ARHGAP9: variants seen among roughly 807,000 people sequenced by gnomAD.
The protein encoded by ARHGAP9 is Rho GTPase activating protein 9, also known as rho GTPase-activating protein 9.
A neutral mutation model predicts 87.3 loss-of-function variants in ARHGAP9; 76 were observed. The ratio of observed to expected loss-of-function variants is 0.87; its 90% CI spans 0.72 to 1.05. The LOEUF is 1.05. Among genes scored for constraint, ARHGAP9 ranks in the 50% least tolerant of loss-of-function variants. ARHGAP9 has a pLI of 0.00. For synonymous variants in ARHGAP9, 382 were observed against 394.9 expected, an observed-to-expected ratio of 0.97 and a Z score of 0.39; for missense variants, 941 against 960.5, an observed-to-expected ratio of 0.98 and a Z score of 0.27.
intron 1 of ARHGAP9, among the ~76,000 whole-genome samples, chr12:57,486,816 A>G (rs1479274082): frequency 5.5e-5 from 8 of 145,952 alleles, no homozygotes; most frequent in Non-Finnish European, 9.1e-5. Context: ...ACCCCGGGGG[A>G]CGGAGGTTGC....
intron 2 of ARHGAP9, 55 bp downstream of exon 2, chr12:57,479,036 T>G (rs1874654815): frequency 3.8e-6 from 6 of 1,567,210 alleles, no homozygotes; most frequent in Non-Finnish European, 5.2e-6. Context: ...GCCAGGGAGG[T>G]AGGAAGGTGA....
intron 13 of ARHGAP9, 54 bp downstream of exon 13, chr12:57,474,821 A>G: frequency 6.2e-7 from 1 of 1,610,902 alleles, no homozygotes; most frequent in Non-Finnish European, 8.5e-7. Flanking sequence ...GGAGGCAGAA[A>G]ATTCTAGGCC....
intron 6 of ARHGAP9, 81 bp from the exon 7 acceptor site, chr12:57,476,732 G>A (rs957968119): frequency 4.3e-5 from 68 of 1,586,386 alleles, no homozygotes; most frequent in Non-Finnish European, 5.9e-5. Context: ...GGTCTCCCAG[G>A]AGTGAAGTCC....
At position 57,473,685 on chromosome 12, in the gene ARHGAP9, G is replaced by A; in HGVS notation, c.1942C>T (p.Leu648Phe). Reference protein sequence around the residue: ...ALALSESEQCLSQIQELIGSM... With the variant: ...ALALSESEQCFSQIQELIGSM... Reference sequence around the variant, plus strand: ...CCTATTAATTCTTGTATCTGAGAGAGGCACTGCTCTGATTCGGAGAGTGCT... The same window carrying A: ...CCTATTAATTCTTGTATCTGAGAGAAGCACTGCTCTGATTCGGAGAGTGCT... Residue 648 changes from leucine (L) to phenylalanine (F), a missense_variant, in exon 17 of 18, where the codon CTC (leucine) becomes TTC (phenylalanine). Transcript: ENST00000393791. 6.2e-7 allele frequency: 1 copy of A among 1,614,086 alleles called. No individual in the cohort carries two copies. The highest frequency in any genetic ancestry group is 8.5e-7 in the Non-Finnish European group (1 of 1,179,920).
At chr12:57,475,720 G>C (rs1276518236) in intron 10 of ARHGAP9, 105 bp from the exon 11 acceptor site, 3 of 1,535,978 alleles carry the variant, frequency 2.0e-6, no homozygotes, top group Non-Finnish European at 2.6e-6. Context: ...CCCAGGCAAG[G>C]GCTCTCCACT....
chr12:57,488,538 CCAGGCA>C, intron 1 of ARHGAP9: 1 of 1,538,404 alleles, frequency 6.5e-7, no homozygotes, highest in Admixed American at 2.0e-5. Flanking sequence ...ATGACAGCCC[CCAGGCA>C]CCCTTTTGTG....
chr12:57,482,568 G>A, upstream of ARHGAP9, among the ~76,000 whole-genome samples: 1 of 152,106 alleles, frequency 6.6e-6, no homozygotes, highest in Non-Finnish European at 1.5e-5. Flanking sequence ...GCCAGGTATG[G>A]CAGTGTGTGC....
chr12:57,474,564 AC>A (rs1477141889), intron 14 of ARHGAP9, 61 bp downstream of exon 14: 7 of 1,612,694 alleles, frequency 4.3e-6, no homozygotes, highest in Non-Finnish European at 5.9e-6. Flanking sequence ...CTCATGTAGG[AC>A]CGCCCATGGT....
At chr12:57,485,817 A>G (rs1875354217) in intron 1 of ARHGAP9, among the ~76,000 whole-genome samples, 1 of 151,978 alleles carries the variant, frequency 6.6e-6, no homozygotes, top group Non-Finnish European at 1.5e-5. Flanking sequence ...TGGCCTTGAG[A>G]CCCTACCAAG....
At chr12:57,476,009 C>T (rs1873504208) in intron 9 of ARHGAP9, 62 bp downstream of exon 9, 8 of 1,514,404 alleles carry the variant, frequency 5.3e-6, no homozygotes, top group Admixed American at 2.1e-5. Flanking sequence ...GAGGCCTGCG[C>T]GGGAGATTGG....
At chr12:57,478,310 TCTC>T (rs1874492159) in intron 3 of ARHGAP9, 1 of 545,414 alleles carries the variant, frequency 1.8e-6, no homozygotes. Context: ...GCTGCCTCTT[TCTC>T]CTCCTTGCTC....
At position 57,473,897 on chromosome 12, in the gene ARHGAP9, G is replaced by A; in HGVS notation, c.1918+145C>T. The A allele has an allele frequency of 1.4e-5, 19 of 1,350,560 alleles. No individual in the cohort carries two copies. The South Asian group carries it at 1.8e-4, about 13-fold the overall frequency. 83.7% of individuals were successfully genotyped at this position (1,350,560 alleles called of 1,614,324 possible). On this transcript the variant is annotated intron_variant, in intron 16 of 17. Transcript: ENST00000393791. Reference sequence around the variant, plus strand: ...CAGCCCTCTAAACATTCACAAAAAAGCAACTGGAGTAGGCACCTGAGTTGA... The same window carrying A: ...CAGCCCTCTAAACATTCACAAAAAAACAACTGGAGTAGGCACCTGAGTTGA...
intron 16 of ARHGAP9, 41 bp downstream of exon 16, chr12:57,474,000 GT>G: frequency 6.3e-7 from 1 of 1,593,124 alleles, no homozygotes; most frequent in Non-Finnish European, 8.6e-7. Context: ...TACCACCCGT[GT>G]CCCCCACATC....
intron 3 of ARHGAP9, chr12:57,478,298 C>G: frequency 3.9e-6 from 2 of 517,024 alleles, no homozygotes; most frequent in Non-Finnish European, 6.9e-6. Flanking sequence ...GTTTGCCTCT[C>G]GGCTGCCTCT....
At position 57,474,031 on chromosome 12, in the gene ARHGAP9, C is replaced by T. The variant is rs764590740; in HGVS notation, c.1918+11G>A. On this transcript the variant is annotated intron_variant, in intron 16 of 17. Coordinates refer to ENST00000393791, the MANE Select transcript of ARHGAP9 (RefSeq NM_032496.4). ...CACATCAAGGGTTCTTTCCAAAGCT[C>T]CAACCCTTACCAAGGGCAGCACGGA... is the stretch of plus-strand genomic sequence containing the variant. 1.9e-5 allele frequency: 30 copies of T among 1,612,334 alleles called. 1 individual carries two copies. The East Asian group carries it at 4.2e-4, about 23-fold the overall frequency.
At chr12:57,477,771 C>T (rs749622463) in intron 3 of ARHGAP9, 91 bp from the exon 4 acceptor site, 10 of 1,552,714 alleles carry the variant, frequency 6.4e-6, no homozygotes, top group South Asian at 2.4e-5. Context: ...CTCCCTCCCC[C>T]ATTGTCTTCT....
In ARHGAP9 at chr12:57,476,899, G is replaced by A; in HGVS notation, c.935C>T (p.Pro312Leu). 2.5e-6 allele frequency: 4 copies of A among 1,614,016 alleles called. No individual in the cohort carries two copies. The highest frequency in any genetic ancestry group is 2.2e-5 in the South Asian group (2 of 91,074). Residue 312 changes from proline to leucine, a missense_variant, in exon 6 of 18, where the codon CCT becomes CTT. Pro to Leu is a moderately conservative substitution (Grantham distance 98, BLOSUM62 -3). Transcript: ENST00000393791. ...LDPPALQAPR[P>L]LPQLLDDPHE... is the part of the protein sequence containing the mutation. ...GGGGTCGTCCAGGAGCTGCGGCAGAGGTCGAGGGGCCTGCAAGGCTGGAGG... is the reference window on the plus strand; with the variant it reads ...GGGGTCGTCCAGGAGCTGCGGCAGAAGTCGAGGGGCCTGCAAGGCTGGAGG...
chr12:57,478,363 G>T, intron 3 of ARHGAP9, 177 bp downstream of exon 3: 1 of 667,576 alleles, frequency 1.5e-6, no homozygotes, highest in Non-Finnish European at 2.5e-6. Context: ...ATGTCTCCCC[G>T]CACCACCTCA....
chr12:57,477,797 G>A lies in ARHGAP9; in HGVS notation c.535-117C>T, dbSNP rs1213725318. On this transcript the variant is annotated intron_variant, in intron 3 of 17. Transcript: ENST00000393791. The stretch of plus-strand genomic sequence containing the variant: ...ATTGTCTTCTCACCGCCAGCTCTGG[G>A]CTGAGGTGACCCAGGGTACTGGGGG... The A allele has an allele frequency of 3.9e-6, 6 of 1,535,226 alleles. No homozygotes were observed. In the Admixed American group the frequency reaches 1.2e-4, roughly 30 times the overall value.
Sources: allele counts gnomAD v4.1 joint callset (sites outside exome capture counted in the v4.1 genomes callset), GRCh38; gene constraint gnomAD v4.1.1; transcripts MANE v1.5; gene names NCBI Gene and HGNC (gene_info 2026-07-23, HGNC 2026-07-21).